The following RANBP9 variants were observed in gnomAD, a reference collection of about 807,000 sequenced individuals.
RANBP9 encodes ran-binding protein 9.
Under a neutral mutation model 84.3 loss-of-function variants are expected in RANBP9, and 15 were observed. The observed-to-expected ratio is 0.18, with a 90% CI of 0.12 to 0.27. The LOEUF is 0.27. Among genes scored for constraint, RANBP9 ranks in the 10% least tolerant of loss-of-function variants. RANBP9 has a pLI of 1.00. For synonymous variants in RANBP9, 392 were observed against 349.6 expected, an observed-to-expected ratio of 1.12 and a Z score of -1.35; for missense variants, 809 against 912.8, an observed-to-expected ratio of 0.89 and a Z score of 1.46.
chr6:13,638,161 G>A (rs1448157757), intron 9 of RANBP9, among the ~76,000 whole-genome samples: 1 of 152,022 alleles, frequency 6.6e-6, no homozygotes, highest in Non-Finnish European at 1.5e-5. Flanking sequence ...ATTTATTGAA[G>A]GCTTAATTAC....
intron 4 of RANBP9, among the ~76,000 whole-genome samples, chr6:13,656,197 A>C (rs1396367454): frequency 1.3e-5 from 2 of 152,208 alleles, no homozygotes. Context: ...TATATGTCTA[A>C]GCATACTACT....
At chr6:13,634,409 TG>T in intron 11 of RANBP9, 21 bp downstream of exon 11, 1 of 1,604,374 alleles carries the variant, frequency 6.2e-7, no homozygotes, top group Non-Finnish European at 8.5e-7. Context: ...TTATTAAAAA[TG>T]TAAGAAATAT....
At position 13,652,662 on chromosome 6, in the gene RANBP9, T is replaced by C. The variant is rs1765322012; in HGVS notation, c.924A>G (p.Leu308=). The C allele has an allele frequency of 6.3e-7, 1 of 1,595,524 alleles. No homozygotes were observed. Among genetic ancestry groups the C allele is most frequent in the African/African-American group, 1.4e-5 (1 of 73,996 alleles). ...GHSLGIAFTD[L]PPNLYPTVGL... ...CTGCTTTTAAAAAAAGTCTTACCGG[T>C]AGGTCAGTGAAAGCAATACCTAAAA... Residue 308 remains leucine (L), a synonymous_variant, in exon 5 of 14, where the codon CTA becomes CTG. Coordinates refer to ENST00000011619, the MANE Select transcript of RANBP9 (RefSeq NM_005493.3).
chr6:13,702,223 A>G (rs1757991730), intron 1 of RANBP9, among the ~76,000 whole-genome samples: 1 of 152,070 alleles, frequency 6.6e-6, no homozygotes, highest in Admixed American at 6.6e-5. Flanking sequence ...TGGGTGGATC[A>G]CTTGAGGTCA....
intron 2 of RANBP9, among the ~76,000 whole-genome samples, chr6:13,675,304 T>C (rs148211049): frequency 1.3e-5 from 2 of 152,336 alleles, no homozygotes; most frequent in African/African-American, 4.8e-5. Flanking sequence ...TCATACAAAC[T>C]ATGCTCTCAG....
intron 1 of RANBP9, among the ~76,000 whole-genome samples, chr6:13,706,822 T>G (rs1452109912): frequency 7.3e-5 from 11 of 151,670 alleles, no homozygotes; most frequent in Non-Finnish European, 1.5e-5. Flanking sequence ...GCCAACATGG[T>G]GAAACCCCGT....
At chr6:13,690,517 C>CTGAAA (rs1766298279) in intron 2 of RANBP9, among the ~76,000 whole-genome samples, 2 of 152,052 alleles carry the variant, frequency 1.3e-5, no homozygotes, top group Admixed American at 1.3e-4. Flanking sequence ...TGAAAGAGTG[C>CTGAAA]ACTTTATTAT....
intron 1 of RANBP9, among the ~76,000 whole-genome samples, chr6:13,704,685 C>T (rs960313183): frequency 2.0e-5 from 3 of 151,724 alleles, no homozygotes; most frequent in Non-Finnish European, 4.4e-5. Context: ...TGCTCCTTGT[C>T]ACATACTCTA....
intron 5 of RANBP9, among the ~76,000 whole-genome samples, chr6:13,649,605 A>G (rs1474953635): frequency 6.6e-6 from 1 of 152,076 alleles, no homozygotes; most frequent in Non-Finnish European, 1.5e-5. Context: ...CTGTCCCCAC[A>G]ATGCTCTTCT....
chr6:13,670,218 G>A (rs1234444990), intron 2 of RANBP9, among the ~76,000 whole-genome samples: 1 of 152,016 alleles, frequency 6.6e-6, no homozygotes, highest in African/African-American at 2.4e-5. Flanking sequence ...GCTTGAGCCT[G>A]GGAGGCGGAG....
At position 13,711,538 on chromosome 6, in the gene RANBP9, C is replaced by T; in HGVS notation, c.-33G>A. On this transcript the variant is annotated 5_prime_UTR_variant, in exon 1 of 14. It adds an upstream start codon to the 5' untranslated region. Coordinates refer to ENST00000011619, the MANE Select transcript of RANBP9 (RefSeq NM_005493.3). ...GCGACTCAGCCTGCGGCCACCTCCA[C>T]CTCTTCTCTCCTTCCTCCTCTGCTT... 1.6e-6 allele frequency: 2 copies of T among 1,241,030 alleles called. No homozygotes were observed. The highest frequency in any genetic ancestry group is 2.0e-6 in the Non-Finnish European group (2 of 987,520). 76.9% of individuals were successfully genotyped at this position (1,241,030 alleles called of 1,614,324 possible).
intron 2 of RANBP9, among the ~76,000 whole-genome samples, chr6:13,670,873 C>T (rs897350577): frequency 5.3e-5 from 8 of 149,624 alleles, no homozygotes; most frequent in Non-Finnish European, 1.2e-4. Context: ...TTAAAGGATA[C>T]TGTCAAGGAA....
At chr6:13,644,226 A>G (rs1765129102) in intron 6 of RANBP9, among the ~76,000 whole-genome samples, 1 of 152,184 alleles carries the variant, frequency 6.6e-6, no homozygotes, top group South Asian at 2.1e-4. Flanking sequence ...TAAATTGTAT[A>G]ACCTACAGAA....
intron 7 of RANBP9, among the ~76,000 whole-genome samples, chr6:13,642,145 C>T (rs1012551699): frequency 1.3e-5 from 2 of 152,136 alleles, no homozygotes; most frequent in Non-Finnish European, 2.9e-5. Context: ...ACTATCTCCT[C>T]CAACTAATCA....
intron 2 of RANBP9, among the ~76,000 whole-genome samples, chr6:13,691,735 G>A (rs1432821725): frequency 6.6e-6 from 1 of 151,938 alleles, no homozygotes; most frequent in African/African-American, 2.4e-5. Flanking sequence ...GCGTGATGTC[G>A]GCTCACTGCA....
chr6:13,699,744 C>G (rs1757921017), intron 1 of RANBP9, among the ~76,000 whole-genome samples: 1 of 152,076 alleles, frequency 6.6e-6, no homozygotes, highest in Non-Finnish European at 1.5e-5. Context: ...CGCCTGTAAT[C>G]CCAGCTACTC....
chr6:13,625,873 T>C lies in RANBP9; in HGVS notation c.1948-109A>G, dbSNP rs1429785657. The C allele has an allele frequency of 5.4e-6, 4 of 744,908 alleles. No individual in the cohort carries two copies. The Admixed American group carries it at 6.1e-5, about 11-fold the overall frequency. The allele number at this position is 744,908 out of a possible 1,614,324, so 46.1% of individuals were successfully genotyped here. On this transcript the variant is annotated intron_variant, in intron 12 of 13. Coordinates refer to ENST00000011619, the MANE Select transcript of RANBP9 (RefSeq NM_005493.3). Reference sequence around the variant, plus strand: ...ATGGCTTCCAGGCACAGACTAATAATGTAAACTTTAAACCCATTTACTCCC... The same window carrying C: ...ATGGCTTCCAGGCACAGACTAATAACGTAAACTTTAAACCCATTTACTCCC...
At chr6:13,655,106 T>C (rs1765370142) in intron 4 of RANBP9, among the ~76,000 whole-genome samples, 5 of 152,274 alleles carry the variant, frequency 3.3e-5, no homozygotes, top group Admixed American at 2.0e-4. Flanking sequence ...ACCACTGTTA[T>C]ACCATCTCTC....
At chr6:13,634,369 G>C in intron 11 of RANBP9, 62 bp downstream of exon 11, 2 of 1,563,094 alleles carry the variant, frequency 1.3e-6, no homozygotes, top group Non-Finnish European at 1.7e-6. Flanking sequence ...ATCAGTACAA[G>C]TAAAAACATA....
Sources: gnomAD v4.1 joint callset for allele counts (sites outside exome capture counted in the v4.1 genomes callset) on GRCh38, gnomAD v4.1.1 for gene constraint, MANE v1.5 for transcripts, NCBI Gene and HGNC (gene_info 2026-07-23, HGNC 2026-07-21) for gene names.